The following AFAP1 variants were observed in gnomAD, a reference collection of about 807,000 sequenced individuals.
The protein encoded by AFAP1 is actin filament associated protein 1.
AFAP1 carries 75 observed loss-of-function variants against 93.9 expected under a neutral mutation model. The ratio of observed to expected loss-of-function variants is 0.80; its 90% CI spans 0.66 to 0.97. The LOEUF (loss-of-function observed/expected upper bound fraction) is 0.97, where lower values mean the gene tolerates loss of function less well. Among genes scored for constraint, AFAP1 ranks in the 50% least tolerant of loss-of-function variants. The pLI is 0.00. For synonymous variants in AFAP1, 517 were observed against 430.7 expected (o/e 1.20, Z -2.48); for missense variants, 1,201 against 1,050.8 (o/e 1.14, Z -1.98).
At chr4:7,859,881 C>A (rs1046802947) in intron 3 of AFAP1, among the ~76,000 whole-genome samples, 1 of 152,156 alleles carries the variant, frequency 6.6e-6, no homozygotes, top group African/African-American at 2.4e-5. Flanking sequence ...ACAGAGAATT[C>A]TCTTTCCAAT....
At chr4:7,825,990 G>A (rs1173867921) in intron 6 of AFAP1, among the ~76,000 whole-genome samples, 3 of 148,498 alleles carry the variant, frequency 2.0e-5, no homozygotes, top group African/African-American at 7.4e-5. Flanking sequence ...CGTCTGAACC[G>A]TTCTGAGCAA....
At chr4:7,898,830 T>TGTGTGTGTGTGTTG (rs1718946309) in intron 1 of AFAP1, among the ~76,000 whole-genome samples, 1 of 151,414 alleles carries the variant, frequency 6.6e-6, no homozygotes, top group African/African-American at 2.4e-5. Context: ...TGTGTGTGTG[T>TGTGTGTGTGTGTTG]GTGTGTGTCT....
At chr4:7,918,585 A>G (rs1720233380) in intron 1 of AFAP1, among the ~76,000 whole-genome samples, 1 of 140,124 alleles carries the variant, frequency 7.1e-6, no homozygotes, top group African/African-American at 2.7e-5. Context: ...GATCACCCGC[A>G]AACAGGGCTG....
intron 9 of AFAP1, among the ~76,000 whole-genome samples, chr4:7,806,073 G>A (rs1291371806): frequency 6.6e-6 from 1 of 152,174 alleles, no homozygotes; most frequent in Non-Finnish European, 1.5e-5. Flanking sequence ...ATAATTCCAG[G>A]ACTTGTAAGC....
rs139715186 is a variant in AFAP1 at position 7,764,591 on chromosome 4, T to C, written c.2419-800A>G. Among the ~76,000 whole-genome samples, 436 of 152,346 alleles carry C rather than the reference T, an allele frequency of 2.9e-3. 13 individuals are homozygous for C. Among genetic ancestry groups the C allele is most frequent in the Admixed American group, 0.026 (403 of 15,312 alleles). On this transcript the variant is annotated intron_variant, in intron 17 of 17. Transcript: ENST00000420658. ...TATTTTACTCTAATAGAAAAAAATT[T>C]TTTTAAATATGTAGATGCTTAAATC...
rs561834996 is a variant in AFAP1, at chr4:7,871,418, CCAAGTAAAAA to C, written c.127+524_127+533del. 2.2e-3 allele frequency among the ~76,000 whole-genome samples: 336 copies of C among 152,212 alleles called. 2 individuals are homozygous for C. The highest frequency in any genetic ancestry group is 7.6e-3 in the African/African-American group (315 of 41,538). ...GCAGAGGGTGCCTAGAGGACCGGAC[CCAAGTAAAAA>C]CCCTGGACACCGAGTCTCTGATGAG... On this transcript the variant is annotated intron_variant, in intron 2 of 17. Coordinates refer to ENST00000420658, the MANE Select transcript of AFAP1 (RefSeq NM_001134647.2).
chr4:7,768,798 A>C, intron 17 of AFAP1, 46 bp downstream of exon 17: 1 of 1,498,602 alleles, frequency 6.7e-7, no homozygotes, highest in East Asian at 2.4e-5. Context: ...GGGAGCTTAA[A>C]GTGCCTGCCC....
At chr4:7,922,647 C>A (rs1259269533) in intron 1 of AFAP1, among the ~76,000 whole-genome samples, 1 of 152,140 alleles carries the variant, frequency 6.6e-6, no homozygotes, top group African/African-American at 2.4e-5. Context: ...AGATCATGAG[C>A]CTTGAATGCC....
At chr4:7,802,479 T>C (rs1456841426) in intron 9 of AFAP1, among the ~76,000 whole-genome samples, 1 of 152,208 alleles carries the variant, frequency 6.6e-6, no homozygotes, top group East Asian at 1.9e-4. Context: ...ATGTGAAGTA[T>C]CTTGTCCAAG....
intron 1 of AFAP1, among the ~76,000 whole-genome samples, chr4:7,901,006 C>A (rs1406779767): frequency 4.6e-5 from 7 of 152,200 alleles, no homozygotes. Flanking sequence ...CCAATGCCTT[C>A]CTTCTGCGAT....
chr4:7,785,072 G>A (rs1196840611), intron 12 of AFAP1, among the ~76,000 whole-genome samples: 1 of 152,074 alleles, frequency 6.6e-6, no homozygotes, highest in Non-Finnish European at 1.5e-5. Context: ...GGAGACAAAT[G>A]GCATACTGGT....
intron 6 of AFAP1, among the ~76,000 whole-genome samples, chr4:7,827,569 C>CAAAAAGAAAAAAAAAAAA (rs1721538032): frequency 1.9e-5 from 1 of 52,254 alleles, no homozygotes; most frequent in Non-Finnish European, 3.4e-5. Context: ...ACTCTGTCTC[C>CAAAAAGAAAAAAAAAAAA]AAAAAAAAAA....
chr4:7,790,785 G>A (rs551539552), intron 11 of AFAP1, among the ~76,000 whole-genome samples: 3 of 152,128 alleles, frequency 2.0e-5, no homozygotes, highest in African/African-American at 4.8e-5. Flanking sequence ...TAAACAGAAC[G>A]GTAAGTACTA....
At chr4:7,771,412 T>C (rs1715419759) in intron 16 of AFAP1, among the ~76,000 whole-genome samples, 1 of 152,062 alleles carries the variant, frequency 6.6e-6, no homozygotes, top group Admixed American at 6.6e-5. Flanking sequence ...TAATTGTATT[T>C]TATATATAAT....
intron 17 of AFAP1, among the ~76,000 whole-genome samples, chr4:7,766,520 G>C (rs776210238): frequency 5.3e-5 from 8 of 152,076 alleles, no homozygotes; most frequent in Non-Finnish European, 7.3e-5. Context: ...CACTCAACTC[G>C]GAGCAGGGCA....
At chr4:7,867,866 G>C (rs1177208202) in intron 3 of AFAP1, among the ~76,000 whole-genome samples, 1 of 152,082 alleles carries the variant, frequency 6.6e-6, no homozygotes, top group African/African-American at 2.4e-5. Context: ...GGCAGAGCGG[G>C]GGTGATCAAG....
At chr4:7,811,120 C>T (rs1372218433) in intron 8 of AFAP1, among the ~76,000 whole-genome samples, 1 of 152,160 alleles carries the variant, frequency 6.6e-6, no homozygotes, top group Non-Finnish European at 1.5e-5. Flanking sequence ...GAGGGGAGGC[C>T]GGCGAGGCGC....
intron 3 of AFAP1, among the ~76,000 whole-genome samples, chr4:7,864,451 T>A (rs1460709248): frequency 6.6e-6 from 1 of 152,230 alleles, no homozygotes; most frequent in East Asian, 1.9e-4. Flanking sequence ...CTTAATGTAC[T>A]TAGTGACTAG....
intron 4 of AFAP1, among the ~76,000 whole-genome samples, chr4:7,849,020 C>T (rs1168862491): frequency 6.6e-6 from 1 of 152,208 alleles, no homozygotes; most frequent in Non-Finnish European, 1.5e-5. Flanking sequence ...TTCCAAGGGG[C>T]CATGCCTTCT....
Sources: allele counts gnomAD v4.1 joint callset (sites outside exome capture counted in the v4.1 genomes callset), GRCh38; gene constraint gnomAD v4.1.1; transcripts MANE v1.5; gene names NCBI Gene and HGNC (gene_info 2026-07-23, HGNC 2026-07-21).